The following TNR variants were observed in gnomAD, a reference collection of about 807,000 sequenced individuals.
The protein encoded by TNR is tenascin R, also known as tenascin-R.
In TNR, 45 loss-of-function variants were observed where a neutral mutation model predicts 150.4. That is an observed-to-expected ratio of 0.30 (90% CI 0.24 to 0.38). The LOEUF is 0.38. TNR is among the 10% of genes least tolerant of loss of function. TNR has a pLI of 1.00. For synonymous variants in TNR, 687 were observed against 678.4 expected (o/e 1.01, Z -0.20); for missense variants, 1,544 against 1,759.1 (o/e 0.88, Z 2.19).
chr1:175,740,576 C>T (rs572124308), intron 1 of TNR, among the ~76,000 whole-genome samples: 1 of 152,160 alleles, frequency 6.6e-6, no homozygotes, highest in Non-Finnish European at 1.5e-5. Context: ...GGCAGCCCAG[C>T]AGTCTCCCCT....
chr1:175,642,191 G>A (rs998526416), intron 1 of TNR, among the ~76,000 whole-genome samples: 18 of 152,094 alleles, frequency 1.2e-4, no homozygotes, highest in African/African-American at 3.1e-4. Flanking sequence ...CCCACCACCC[G>A]CCCCCAGTCC....
At chr1:175,708,018 T>G (rs4652112) in intron 1 of TNR, among the ~76,000 whole-genome samples, 37 of 144,654 alleles carry the variant, frequency 2.6e-4, no homozygotes, top group African/African-American at 9.1e-4. Flanking sequence ...ATGTGTGTGT[T>G]TGTGTGTGTG....
intron 1 of TNR, among the ~76,000 whole-genome samples, chr1:175,606,850 T>C (rs898498291): frequency 2.6e-5 from 4 of 152,142 alleles, no homozygotes; most frequent in Non-Finnish European, 4.4e-5. Context: ...CCCAGCAACA[T>C]GGGGTCAAGT....
intron 2 of TNR, among the ~76,000 whole-genome samples, chr1:175,420,460 A>G (rs961566994): frequency 1.3e-5 from 2 of 152,214 alleles, no homozygotes; most frequent in African/African-American, 4.8e-5. Context: ...TAACAGTGAC[A>G]TTTTCATTTT....
chr1:175,516,769 T>A (rs1280990249), intron 2 of TNR, among the ~76,000 whole-genome samples: 4 of 152,214 alleles, frequency 2.6e-5, no homozygotes, highest in Non-Finnish European at 4.4e-5. Flanking sequence ...TATCTATTAA[T>A]AAATATTCTA....
chr1:175,466,864 C>T (rs1214306612), intron 2 of TNR, among the ~76,000 whole-genome samples: 1 of 152,010 alleles, frequency 6.6e-6, no homozygotes, highest in Non-Finnish European at 1.5e-5. Flanking sequence ...CTTCTGGGTT[C>T]CCCATTAGTA....
intron 1 of TNR, among the ~76,000 whole-genome samples, chr1:175,548,680 C>T (rs891934621): frequency 1.5e-5 from 2 of 133,434 alleles, no homozygotes; most frequent in African/African-American, 2.7e-5. Context: ...AAAAAAAAGG[C>T]GGGATGGGCA....
intron 2 of TNR, among the ~76,000 whole-genome samples, chr1:175,470,225 A>C (rs1571486329): frequency 6.6e-6 from 1 of 152,272 alleles, no homozygotes; most frequent in East Asian, 1.9e-4. Flanking sequence ...TGCCAGTGTA[A>C]AGGTGACAGT....
chr1:175,324,245 T>G (rs994401049), intron 22 of TNR, 111 bp downstream of exon 22: 4 of 1,203,088 alleles, frequency 3.3e-6, no homozygotes, highest in Non-Finnish European at 4.6e-6. Flanking sequence ...CTCAAAATAT[T>G]TCTTTTTAAA....
chr1:175,545,579 T>A (rs1208471470), intron 1 of TNR, among the ~76,000 whole-genome samples: 2 of 152,204 alleles, frequency 1.3e-5, no homozygotes, highest in African/African-American at 4.8e-5. Context: ...TCCCTCTTAA[T>A]ATTAAAAATA....
intron 1 of TNR, among the ~76,000 whole-genome samples, chr1:175,597,382 C>T (rs986987738): frequency 6.6e-6 from 1 of 152,214 alleles, no homozygotes; most frequent in Non-Finnish European, 1.5e-5. Context: ...CATGTCCTGG[C>T]ACAGCTTCCA....
At chr1:175,499,087 A>G (rs548928794) in intron 2 of TNR, among the ~76,000 whole-genome samples, 3 of 152,348 alleles carry the variant, frequency 2.0e-5, no homozygotes, top group African/African-American at 7.2e-5. Flanking sequence ...GGCTCCTTCA[A>G]GGTTGATACT....
intron 1 of TNR, among the ~76,000 whole-genome samples, chr1:175,733,315 C>T (rs516500): frequency 0.65 from 98,384 of 152,006 alleles, 32,694 homozygotes; most frequent in South Asian, 0.79. Flanking sequence ...TAAGAAATAG[C>T]GAAAGCAGTG....
intron 7 of TNR, among the ~76,000 whole-genome samples, 181 bp from the exon 8 acceptor site, chr1:175,386,482 T>A (rs859438): frequency 6.6e-6 from 1 of 152,028 alleles, no homozygotes; most frequent in Non-Finnish European, 1.5e-5. Flanking sequence ...TGAGGACATG[T>A]AGTTTGCCTT....
rs1021005409 is a variant in TNR at position 175,318,041 on chromosome 1, C to T, written c.*5316G>A. On this transcript the variant is annotated 3_prime_UTR_variant, in exon 23 of 23. Coordinates refer to ENST00000367674, the MANE Select transcript of TNR (RefSeq NM_003285.3). ...AGAATGCTGGAGATGACAAATCAGG[C>T]TTGTGACTACTGGTGACGCAAAAGT... 2.6e-5 allele frequency: 4 copies of T among 152,336 alleles called. No individual in the cohort carries two copies. Among genetic ancestry groups the T allele is most frequent in the African/African-American group, 9.6e-5 (4 of 41,574 alleles). 9.4% of individuals were successfully genotyped at this position (152,336 alleles called of 1,614,324 possible).
chr1:175,531,674 T>G (rs996032545), intron 1 of TNR, among the ~76,000 whole-genome samples: 2 of 152,244 alleles, frequency 1.3e-5, no homozygotes, highest in Non-Finnish European at 2.9e-5. Context: ...TGCAACCTAC[T>G]CATTTACCTG....
chr1:175,462,368 G>T (rs555052396), intron 2 of TNR, among the ~76,000 whole-genome samples: 4 of 152,274 alleles, frequency 2.6e-5, no homozygotes, highest in Non-Finnish European at 5.9e-5. Context: ...GTCTTCTCAG[G>T]CTTCTTGTGT....
intron 2 of TNR, among the ~76,000 whole-genome samples, chr1:175,515,252 A>G (rs967864827): frequency 1.1e-4 from 16 of 152,236 alleles, no homozygotes; most frequent in African/African-American, 3.1e-4. Flanking sequence ...CCTTGACAAT[A>G]TAAGGTGAAA....
intron 1 of TNR, among the ~76,000 whole-genome samples, chr1:175,543,451 G>T (rs149305871): frequency 3.9e-5 from 6 of 152,264 alleles, no homozygotes; most frequent in Admixed American, 6.5e-5. Flanking sequence ...ATAGGAAGGG[G>T]ACCTAGAGCC....
Sources: gnomAD v4.1 joint callset for allele counts (sites outside exome capture counted in the v4.1 genomes callset) on GRCh38, gnomAD v4.1.1 for gene constraint, MANE v1.5 for transcripts, NCBI Gene and HGNC (gene_info 2026-07-23, HGNC 2026-07-21) for gene names.